Variants in MED12L observed in about 807,000 individuals in gnomAD.
MED12L encodes the protein mediator of RNA polymerase II transcription subunit 12-like protein.
In MED12L, 60 loss-of-function variants were observed where a neutral mutation model predicts 281.3. That is an observed-to-expected ratio of 0.21 (90% CI 0.17 to 0.26). The LOEUF (loss-of-function observed/expected upper bound fraction) is 0.26. Among genes scored for constraint, MED12L ranks in the 10% least tolerant of loss-of-function variants. MED12L has a pLI of 1.00. For synonymous variants in MED12L, 974 were observed against 987.2 expected (o/e 0.99, Z 0.25); for missense variants, 2,146 against 2,680.9 (o/e 0.80, Z 4.41).
chr3:151,298,676 G>T (rs1176872481), intron 16 of MED12L, among the ~76,000 whole-genome samples: 1 of 152,142 alleles, frequency 6.6e-6, no homozygotes, highest in Non-Finnish European at 1.5e-5. Context: ...GGACGTAAGG[G>T]AACTTTGGCT....
intron 16 of MED12L, chr3:151,329,345 A>G: frequency 1.7e-6 from 1 of 605,220 alleles, no homozygotes; most frequent in East Asian, 2.8e-5. Context: ...AATACATCAG[A>G]TTGCTGTAAA....
chr3:151,289,329 G>A (rs1420564021), intron 16 of MED12L, among the ~76,000 whole-genome samples: 1 of 152,192 alleles, frequency 6.6e-6, no homozygotes, highest in Non-Finnish European at 1.5e-5. Flanking sequence ...TAAAATGTTG[G>A]AAGTTGACTC....
intron 16 of MED12L, chr3:151,199,373 G>A (rs560925200): frequency 2.5e-6 from 4 of 1,607,820 alleles, no homozygotes; most frequent in East Asian, 2.2e-5. Flanking sequence ...GCAGAAGAAC[G>A]AACTGTTTGT....
rs1576855745 is a variant in MED12L, at chr3:151,160,115, C to T, written c.1107+14C>T. On this transcript the variant is annotated intron_variant, in intron 8 of 44. Coordinates refer to ENST00000687756, the MANE Select transcript of MED12L (RefSeq NM_001393769.1). ...TGTATGTTGCAGGTAAGTCCTTGGC[C>T]CTTGTTATTTTATGTTAAAATTCAA... The T allele has an allele frequency of 2.7e-6, 4 of 1,503,018 alleles. No individual in the cohort carries two copies. The highest frequency in any genetic ancestry group is 2.8e-5 in the African/African-American group (2 of 71,380). The allele number at this position is 1,503,018 out of a possible 1,614,324, so 93.1% of individuals were successfully genotyped here.
chr3:151,310,688 A>G (rs932651617), intron 16 of MED12L, among the ~76,000 whole-genome samples: 4 of 152,200 alleles, frequency 2.6e-5, no homozygotes, highest in African/African-American at 2.4e-5. Context: ...ATTTCCCACC[A>G]TTCTTTTTCC....
At chr3:151,335,910 C>T (rs935475538) in intron 16 of MED12L, among the ~76,000 whole-genome samples, 1 of 152,096 alleles carries the variant, frequency 6.6e-6, no homozygotes, top group African/African-American at 2.4e-5. Flanking sequence ...TTACTATTAG[C>T]ATTTCTGTTT....
At chr3:151,218,887 A>G (rs866928168) in intron 16 of MED12L, among the ~76,000 whole-genome samples, 2,419 of 131,088 alleles carry the variant, frequency 0.018, 90 homozygotes, top group African/African-American at 0.072. Flanking sequence ...AAAAAAAAAA[A>G]AAAAAAAAAA....
intron 19 of MED12L, among the ~76,000 whole-genome samples, chr3:151,356,354 T>C (rs1010637691): frequency 1.3e-5 from 2 of 151,972 alleles, no homozygotes; most frequent in African/African-American, 4.8e-5. Flanking sequence ...ATCATACAAC[T>C]GCACTCAAGC....
intron 16 of MED12L, among the ~76,000 whole-genome samples, chr3:151,314,234 ATGTT>A (rs1560017295): frequency 1.3e-5 from 2 of 152,230 alleles, no homozygotes; most frequent in Non-Finnish European, 2.9e-5. Context: ...AATTTTTTAA[ATGTT>A]TGGCCAATAA....
rs1720961511 is a variant in MED12L at position 151,098,135 on chromosome 3, A to G, written c.99+11110A>G. ...TTGGTGTGGGAAAGAAAGATGGGAC[A>G]CAGTCATGGGGATCTTTACTTTGTG... is the stretch of plus-strand genomic sequence containing the variant. On this transcript the variant is annotated intron_variant, in intron 2 of 44. Transcript: ENST00000687756. Among the ~76,000 whole-genome samples the G allele has an allele frequency of 3.3e-5, 5 of 152,190 alleles. No homozygotes were observed. In the South Asian group the frequency reaches 1.0e-3, roughly 32 times the overall value.
At chr3:151,231,105 C>A (rs954194012) in intron 16 of MED12L, among the ~76,000 whole-genome samples, 8 of 152,070 alleles carry the variant, frequency 5.3e-5, no homozygotes, top group African/African-American at 1.9e-4. Context: ...ACATTGAAAA[C>A]CAAAACAAAT....
chr3:151,250,158 C>G (rs1442250518), intron 16 of MED12L, among the ~76,000 whole-genome samples: 5 of 152,202 alleles, frequency 3.3e-5, no homozygotes, highest in Admixed American at 6.6e-5. Context: ...CTAGTCCACT[C>G]TGCCTTCTGT....
Position 151,432,801 on chromosome 3 carries a change from C to T in MED12L, c.6540C>T (p.Phe2180=), listed in dbSNP as rs749865992. The T allele has an allele frequency of 3.7e-6, 6 of 1,612,498 alleles. No homozygotes were observed. Among genetic ancestry groups the T allele is most frequent in the Non-Finnish European group, 5.1e-6 (6 of 1,179,022 alleles). Residue 2180 remains phenylalanine, a synonymous_variant, in exon 45 of 45, where the codon TTC becomes TTT. Transcript: ENST00000687756. ...CTCCGTATGGGCATCCTTCACACTT[C>T]TGAATCTGCAAGAGGAGAAGACATG... ...GVTPYGHPSH[F] is the part of the protein sequence containing the mutation.
intron 5 of MED12L, among the ~76,000 whole-genome samples, chr3:151,146,651 A>G (rs192434868): frequency 6.2e-4 from 94 of 152,362 alleles, no homozygotes; most frequent in Admixed American, 1.4e-3. Flanking sequence ...TTAAAATAAC[A>G]TAGTAAAATG....
intron 16 of MED12L, among the ~76,000 whole-genome samples, chr3:151,342,777 C>T (rs1285987718): frequency 6.6e-6 from 1 of 152,134 alleles, no homozygotes; most frequent in Non-Finnish European, 1.5e-5. Context: ...AAATCTTAGC[C>T]TTCCTTATTT....
chr3:151,155,565 A>C (rs1362979425), intron 5 of MED12L, among the ~76,000 whole-genome samples: 2 of 152,212 alleles, frequency 1.3e-5, no homozygotes, highest in Non-Finnish European at 2.9e-5. Context: ...TGTCCCTGAC[A>C]CATCCTGGGG....
At chr3:151,205,432 A>G (rs1368786258) in intron 16 of MED12L, among the ~76,000 whole-genome samples, 1 of 152,250 alleles carries the variant, frequency 6.6e-6, no homozygotes, top group Non-Finnish European at 1.5e-5. Flanking sequence ...TATCCATACA[A>G]AACGTGCTTT....
At chr3:151,413,818 A>G (rs1351766489) in intron 42 of MED12L, among the ~76,000 whole-genome samples, 1 of 151,862 alleles carries the variant, frequency 6.6e-6, no homozygotes, top group Admixed American at 6.6e-5. Context: ...ACTGTCATTC[A>G]CTTATTTGAT....
At chr3:151,139,005 C>CTACCTACCTACG (rs1553807658) in intron 5 of MED12L, among the ~76,000 whole-genome samples, 61 of 151,916 alleles carry the variant, frequency 4.0e-4, no homozygotes, top group African/African-American at 1.5e-3. Context: ...ACCTACCTGC[C>CTACCTACCTACG]TACCTACCTA....
Sources: allele counts gnomAD v4.1 joint callset (sites outside exome capture counted in the v4.1 genomes callset), GRCh38; gene constraint gnomAD v4.1.1; transcripts MANE v1.5; gene names NCBI Gene and HGNC (gene_info 2026-07-23, HGNC 2026-07-21).